The following RPL31 variants were observed in gnomAD, a reference collection of about 807,000 sequenced individuals.
RPL31 encodes the protein ribosomal protein L31.
For missense variants in RPL31, 95 were observed against 164.0 expected (o/e 0.58, Z 2.30); for synonymous variants, 51 against 55.0 (o/e 0.93, Z 0.32).
chr2:101,004,384 T>G, intron 3 of RPL31, 101 bp downstream of exon 3: 1 of 1,276,078 alleles, frequency 7.8e-7, no homozygotes, highest in Non-Finnish European at 1.1e-6. Context: ...GGTTAATGCA[T>G]GTGGAAGTAT....
downstream of RPL31, among the ~76,000 whole-genome samples, chr2:101,009,104 T>C (rs529511411): frequency 2.6e-5 from 4 of 151,894 alleles, no homozygotes; most frequent in African/African-American, 9.7e-5. Flanking sequence ...AGAAAAATGG[T>C]TGGGTATGGC....
At chr2:101,009,044 T>TGA (rs1364694092), downstream of RPL31, among the ~76,000 whole-genome samples, 1 of 152,162 alleles carries the variant, frequency 6.6e-6, no homozygotes, top group African/African-American at 2.4e-5. Context: ...ATACGTAATG[T>TGA]GAGGACAGGT....
chr2:101,014,480 A>G (rs1404515759), intron 4 of RPL31, among the ~76,000 whole-genome samples: 1 of 152,166 alleles, frequency 6.6e-6, no homozygotes, highest in Non-Finnish European at 1.5e-5. Context: ...AATTTCATCA[A>G]CACATCATCC....
intron 4 of RPL31, among the ~76,000 whole-genome samples, chr2:101,014,503 A>G (rs1236763672): frequency 6.6e-6 from 1 of 152,176 alleles, no homozygotes; most frequent in Non-Finnish European, 1.5e-5. Flanking sequence ...TTTCAAAGTC[A>G]TTGTCTCCTC....
chr2:101,002,830 C>G, intron 2 of RPL31, 22 bp downstream of exon 2: 7 of 1,569,332 alleles, frequency 4.5e-6, no homozygotes, highest in Non-Finnish European at 6.1e-6. Flanking sequence ...TCTAGCCGCC[C>G]TGGGTCTCGA....
At chr2:101,008,623 A>G (rs535078643), downstream of RPL31, among the ~76,000 whole-genome samples, 2 of 151,944 alleles carry the variant, frequency 1.3e-5, no homozygotes, top group African/African-American at 2.4e-5. Flanking sequence ...GACCAGCCCA[A>G]TCAACATGGA....
rs533278605 is a variant in RPL31, at chr2:101,015,462, CTT to C, written c.347-3532_347-3531del. On this transcript the variant is annotated intron_variant, in intron 4 of 4. Coordinates refer to the RPL31 transcript ENST00000409028. ...ATAAATTAACCTCAGCTTACTGTAACTTTTTACTTTATAAACTTTTTGACTCT... is the reference window on the plus strand; with the variant it reads ...ATAAATTAACCTCAGCTTACTGTAACTTTACTTTATAAACTTTTTGACTCT... Among the ~76,000 whole-genome samples the C allele has an allele frequency of 9.8e-5, 15 of 152,304 alleles. No individual in the cohort carries two copies. The East Asian group carries it at 2.7e-3, about 27-fold the overall frequency.
downstream of RPL31, among the ~76,000 whole-genome samples, chr2:101,009,821 C>CATTTTTTTTTTTTTTTTT (rs144990163): frequency 7.5e-6 from 1 of 134,192 alleles, no homozygotes. Flanking sequence ...AAAAAAGGAG[C>CATTTTTTTTTTTTTTTTT]TTTTTCTTTT....
downstream of RPL31, among the ~76,000 whole-genome samples, chr2:101,010,612 C>T (rs58013398): frequency 1.3e-5 from 2 of 151,822 alleles, no homozygotes; most frequent in South Asian, 2.1e-4. Flanking sequence ...CGGTCGGGCG[C>T]GGTGGCTCAA....
downstream of RPL31, among the ~76,000 whole-genome samples, chr2:101,010,362 C>G (rs1679112162): frequency 6.6e-6 from 1 of 152,068 alleles, no homozygotes; most frequent in Non-Finnish European, 1.5e-5. Context: ...CTTCTACCTC[C>G]CAGAGGAATA....
chr2:101,008,078 CAGG>C (rs1678874800), downstream of RPL31: 1 of 1,613,954 alleles, frequency 6.2e-7, no homozygotes, highest in Non-Finnish European at 8.5e-7. Context: ...ACCGAGTCCT[CAGG>C]AGAAGGAGCT....
chr2:101,007,648 T>C (rs1678827012), downstream of RPL31: 5 of 662,140 alleles, frequency 7.6e-6, no homozygotes, highest in Admixed American at 5.8e-5. Flanking sequence ...TCTCAATACA[T>C]AGAAATGCTT....
chr2:101,013,817 A>G (rs1484712330), intron 4 of RPL31, among the ~76,000 whole-genome samples: 1 of 152,262 alleles, frequency 6.6e-6, no homozygotes, highest in Non-Finnish European at 1.5e-5. Flanking sequence ...CTTCAGATGC[A>G]GTTGAGACAT....
intron 3 of RPL31, 83 bp downstream of exon 3, chr2:101,004,366 A>T: frequency 6.7e-7 from 1 of 1,491,310 alleles, no homozygotes; most frequent in Non-Finnish European, 9.1e-7. Flanking sequence ...ATATCAGTTC[A>T]GTAATTTGGT....
intron 3 of RPL31, 111 bp downstream of exon 3, chr2:101,004,394 TAAA>T: frequency 1.6e-5 from 15 of 913,676 alleles, no homozygotes; most frequent in Non-Finnish European, 2.1e-5. Context: ...TGTGGAAGTA[TAAA>T]AAAAAAAAAT....
chr2:101,004,702 G>C (rs1678653580), intron 3 of RPL31: 1 of 200,706 alleles, frequency 5.0e-6, no homozygotes, highest in Non-Finnish European at 9.9e-6. Flanking sequence ...TCCCGGGGTT[G>C]TGGCGGGGGT....
downstream of RPL31, among the ~76,000 whole-genome samples, chr2:101,009,821 C>A (rs1679054520): frequency 1.5e-5 from 2 of 134,260 alleles, no homozygotes; most frequent in African/African-American, 5.4e-5. Context: ...AAAAAAGGAG[C>A]TTTTTCTTTT....
chr2:101,015,393 C>T (rs1001935025), intron 4 of RPL31, among the ~76,000 whole-genome samples: 2 of 152,152 alleles, frequency 1.3e-5, no homozygotes, highest in Non-Finnish European at 2.9e-5. Flanking sequence ...AAACACTTAA[C>T]TGTACTGAGT....
chr2:101,015,733 C>G (rs964537683), intron 4 of RPL31, among the ~76,000 whole-genome samples: 3 of 152,172 alleles, frequency 2.0e-5, no homozygotes, highest in African/African-American at 7.2e-5. Context: ...AGATATAGAT[C>G]AATGGAACAG....
Sources: gnomAD v4.1 joint callset for allele counts (sites outside exome capture counted in the v4.1 genomes callset) on GRCh38, gnomAD v4.1.1 for gene constraint, MANE v1.5 for transcripts, NCBI Gene and HGNC (gene_info 2026-07-23, HGNC 2026-07-21) for gene names.